NTRK3: variants seen among roughly 807,000 people sequenced by gnomAD.
NTRK3 encodes neurotrophic receptor tyrosine kinase 3, also known as NT-3 growth factor receptor.
NTRK3 carries 24 observed loss-of-function variants against 91.7 expected under a neutral mutation model. The observed-to-expected ratio is 0.26, with a 90% confidence interval of 0.19 to 0.37. The LOEUF is 0.37. NTRK3 is among the 10% of genes least tolerant of loss of function. NTRK3 has a pLI of 1.00. For missense variants in NTRK3, 880 were observed against 1,068.9 expected (o/e 0.82, Z 2.46); for synonymous variants, 483 against 404.0 (o/e 1.20, Z -2.34).
intron 3 of NTRK3, among the ~76,000 whole-genome samples, chr15:88,215,010 T>G (rs189075899): frequency 6.6e-6 from 1 of 152,194 alleles, no homozygotes; most frequent in Non-Finnish European, 1.5e-5. Flanking sequence ...CATGAGGAAG[T>G]TGACAGCCCC....
chr15:88,172,493 A>G (rs1395436775), intron 5 of NTRK3, among the ~76,000 whole-genome samples: 1 of 152,238 alleles, frequency 6.6e-6, no homozygotes, highest in Non-Finnish European at 1.5e-5. Context: ...CACAGCCCAG[A>G]GGCCAGAATG....
intron 17 of NTRK3, among the ~76,000 whole-genome samples, chr15:87,891,106 A>C (rs956752606): frequency 3.9e-5 from 6 of 152,154 alleles, no homozygotes; most frequent in Admixed American, 3.9e-4. Context: ...TTGTTTAAAT[A>C]ATATACAGTA....
chr15:88,218,099 T>C (rs1332388597), intron 3 of NTRK3, among the ~76,000 whole-genome samples: 2 of 152,114 alleles, frequency 1.3e-5, no homozygotes, highest in Non-Finnish European at 2.9e-5. Context: ...AACATCTCTG[T>C]TCCCCCGAGT....
intron 13 of NTRK3, among the ~76,000 whole-genome samples, chr15:88,106,889 C>T (rs1354918754): frequency 1.1e-4 from 16 of 150,970 alleles, no homozygotes; most frequent in Admixed American, 1.1e-3. Flanking sequence ...GCTGAGATCG[C>T]ACCACTGCAC....
intron 3 of NTRK3, among the ~76,000 whole-genome samples, chr15:88,196,944 A>C (rs1054310476): frequency 6.6e-6 from 1 of 151,992 alleles, no homozygotes; most frequent in Non-Finnish European, 1.5e-5. Context: ...TTCCCACCTG[A>C]ACTTTCCCAA....
intron 5 of NTRK3, among the ~76,000 whole-genome samples, chr15:88,167,944 G>C (rs1396138662): frequency 6.6e-6 from 1 of 152,126 alleles, no homozygotes; most frequent in East Asian, 1.9e-4. Flanking sequence ...AACTTCAAAT[G>C]CATTATGTCA....
rs147269740 is a variant in NTRK3, at chr15:88,227,635, C to T, written c.248+28271G>A. On this transcript the variant is annotated intron_variant, in intron 3 of 18. Coordinates refer to ENST00000394480, the Ensembl canonical transcript of NTRK3. ...GATGTTGGACTTCCAGCCTCTAGAA[C>T]GGTGAGGAATCCACTTCTTCTGTTT... is the stretch of plus-strand genomic sequence containing the variant. 2.7e-4 allele frequency among the ~76,000 whole-genome samples: 41 copies of T among 152,248 alleles called. No individual in the cohort carries two copies. In the East Asian group the frequency reaches 3.9e-3, roughly 14 times the overall value.
intron 13 of NTRK3, among the ~76,000 whole-genome samples, chr15:88,061,155 A>T (rs1455894375): frequency 6.6e-6 from 1 of 152,226 alleles, no homozygotes; most frequent in East Asian, 1.9e-4. Flanking sequence ...TTGCCAAGAA[A>T]GTCAGCTTAC....
intron 5 of NTRK3, among the ~76,000 whole-genome samples, chr15:88,167,238 G>T (rs1341373272): frequency 6.6e-6 from 1 of 152,158 alleles, no homozygotes; most frequent in Non-Finnish European, 1.5e-5. Context: ...GTGCTGCTGT[G>T]CATTTTCCAT....
chr15:87,996,582 G>A (rs183507459), intron 14 of NTRK3, among the ~76,000 whole-genome samples: 1 of 152,304 alleles, frequency 6.6e-6, no homozygotes, highest in Admixed American at 6.5e-5. Flanking sequence ...CGGAAAAGAA[G>A]TTGGTGATGT....
intron 5 of NTRK3, among the ~76,000 whole-genome samples, chr15:88,151,427 A>G (rs930913722): frequency 2.6e-5 from 4 of 152,176 alleles, no homozygotes; most frequent in African/African-American, 9.7e-5. Flanking sequence ...CATTAACCCC[A>G]TAATGAACAG....
intron 14 of NTRK3, among the ~76,000 whole-genome samples, chr15:87,970,473 G>A (rs2073162277): frequency 6.6e-6 from 1 of 152,152 alleles, no homozygotes. Context: ...AACACATCCT[G>A]CTTGATTCTT....
chr15:87,946,329 T>C (rs1303234769), intron 14 of NTRK3: 1 of 152,130 alleles, frequency 6.6e-6, no homozygotes, highest in East Asian at 1.9e-4. Flanking sequence ...CATTGATCAG[T>C]AGAGAGAAAC....
chr15:87,911,344 T>C (rs183207858), intron 17 of NTRK3, among the ~76,000 whole-genome samples: 8 of 152,322 alleles, frequency 5.3e-5, no homozygotes, highest in Admixed American at 2.0e-4. Context: ...ATCTAAGCAA[T>C]CTCTGTTGTA....
intron 14 of NTRK3, among the ~76,000 whole-genome samples, chr15:87,958,885 C>T (rs2071949265): frequency 6.6e-6 from 1 of 152,118 alleles, no homozygotes; most frequent in Non-Finnish European, 1.5e-5. Flanking sequence ...ATGTTCCTCC[C>T]CTGCTTCAAA....
At chr15:88,028,757 A>G (rs778182514) in intron 14 of NTRK3, among the ~76,000 whole-genome samples, 5 of 152,214 alleles carry the variant, frequency 3.3e-5, no homozygotes, top group African/African-American at 4.8e-5. Context: ...GCCTCTCCCC[A>G]GATGGTCTCT....
chr15:88,027,286 C>T (rs755603820), intron 14 of NTRK3, among the ~76,000 whole-genome samples: 14 of 152,124 alleles, frequency 9.2e-5, no homozygotes, highest in Non-Finnish European at 1.8e-4. Context: ...AGTTAAAGAT[C>T]GCATAAGAAA....
At chr15:87,861,237 G>A in exon 19 of NTRK3, 1 of 218,702 alleles carries the variant, frequency 4.6e-6, no homozygotes, top group Non-Finnish European at 9.2e-6. Flanking sequence ...TTAGGGAGGG[G>A]GGATGGAAAT....
At chr15:88,072,567 A>C (rs2047185724) in intron 13 of NTRK3, 1 of 232,532 alleles carries the variant, frequency 4.3e-6, no homozygotes, top group African/African-American at 2.2e-5. Flanking sequence ...TTTGAGTCAC[A>C]TTTAAGCAAG....
Sources: allele counts gnomAD v4.1 joint callset (sites outside exome capture counted in the v4.1 genomes callset), GRCh38; gene constraint gnomAD v4.1.1; transcripts MANE v1.5; gene names NCBI Gene and HGNC (gene_info 2026-07-23, HGNC 2026-07-21).